Variants in DLG1 observed in about 807,000 individuals in gnomAD.
DLG1 encodes the protein disks large homolog 1.
Under a neutral mutation model 123.4 loss-of-function variants are expected in DLG1, and 42 were observed. The observed-to-expected ratio is 0.34, with a 90% confidence interval of 0.27 to 0.44. The LOEUF is 0.44. DLG1 is among the 20% of genes least tolerant of loss of function. The probability of loss-of-function intolerance (pLI) is 1.00; values close to 1 mark genes in which losing one functional copy is unlikely to be tolerated. For missense variants in DLG1, 942 were observed against 1,082.6 expected, an observed-to-expected ratio of 0.87 and a Z score of 1.82; for synonymous variants, 317 against 356.2, an observed-to-expected ratio of 0.89 and a Z score of 1.24.
intron 24 of DLG1, among the ~76,000 whole-genome samples, chr3:197,050,395 CA>C (rs1292548363): frequency 6.6e-6 from 1 of 151,240 alleles, no homozygotes; most frequent in Non-Finnish European, 1.5e-5. Context: ...AAAAAACCCC[CA>C]AAAAAACCCA....
At chr3:197,195,850 C>T (rs1295406771) in intron 4 of DLG1, among the ~76,000 whole-genome samples, 1 of 151,712 alleles carries the variant, frequency 6.6e-6, no homozygotes, top group Admixed American at 6.6e-5. Context: ...ATGTAACAAA[C>T]CTACATATGT....
upstream of DLG1, chr3:197,298,618 C>G (rs1184761219): frequency 1.8e-5 from 7 of 398,366 alleles, no homozygotes; most frequent in Non-Finnish European, 3.1e-5. Context: ...GGGGTAGATC[C>G]CCACCGGGGA....
chr3:197,191,544 G>C (rs985583007), intron 5 of DLG1, among the ~76,000 whole-genome samples: 2 of 152,174 alleles, frequency 1.3e-5, no homozygotes, highest in Non-Finnish European at 2.9e-5. Flanking sequence ...TGGTTGGTTT[G>C]TAACAATAAG....
chr3:197,058,039 C>T (rs1357199767), intron 23 of DLG1, among the ~76,000 whole-genome samples: 2 of 151,584 alleles, frequency 1.3e-5, no homozygotes, highest in Non-Finnish European at 2.9e-5. Flanking sequence ...AGTGCAGTGG[C>T]AAGATCTTGG....
chr3:197,194,666 C>T, intron 4 of DLG1, 77 bp from the exon 5 acceptor site: 1 of 947,242 alleles, frequency 1.1e-6, no homozygotes, highest in Non-Finnish European at 1.6e-6. Context: ...CATAACTAGC[C>T]AAATACTCAA....
chr3:197,048,535 G>A (rs539391421), intron 24 of DLG1, among the ~76,000 whole-genome samples: 17 of 152,198 alleles, frequency 1.1e-4, no homozygotes, highest in Admixed American at 1.1e-3. Context: ...TTATCAAAAA[G>A]ATAAGAGATA....
At chr3:197,282,872 A>G (rs1770043838) in intron 3 of DLG1, 27 bp from the exon 4 acceptor site, 2 of 1,369,148 alleles carry the variant, frequency 1.5e-6, no homozygotes, top group Admixed American at 2.2e-5. Flanking sequence ...AAAAATTCAT[A>G]AGTATTTATA....
chr3:197,101,470 C>T (rs138897018), intron 14 of DLG1, among the ~76,000 whole-genome samples: 1,939 of 151,708 alleles, frequency 0.013, 36 homozygotes, highest in African/African-American at 0.045. Flanking sequence ...ACTGCAAGCT[C>T]GGCCTCCCGG....
intron 3 of DLG1, among the ~76,000 whole-genome samples, chr3:197,286,332 T>C (rs1057257176): frequency 6.6e-6 from 1 of 152,112 alleles, no homozygotes; most frequent in African/African-American, 2.4e-5. Context: ...TGGAAGACAA[T>C]TTTTCCACAG....
intron 10 of DLG1, among the ~76,000 whole-genome samples, chr3:197,132,319 C>G (rs939001792): frequency 6.6e-6 from 1 of 151,042 alleles, no homozygotes; most frequent in African/African-American, 2.4e-5. Context: ...ATAAGTAAAA[C>G]ATTATCAATG....
At chr3:197,063,183 T>G (rs1027082524) in intron 22 of DLG1, among the ~76,000 whole-genome samples, 8 of 130,704 alleles carry the variant, frequency 6.1e-5, no homozygotes, top group Non-Finnish European at 5.0e-5. Context: ...ACCCTAAAAC[T>G]TAAAGTATAA....
intron 4 of DLG1, among the ~76,000 whole-genome samples, chr3:197,214,703 A>G (rs942104247): frequency 1.9e-4 from 29 of 152,288 alleles, no homozygotes; most frequent in Non-Finnish European, 2.5e-4. Flanking sequence ...GAGGAGGGAG[A>G]GCTCAAGTAC....
chr3:197,236,751 A>G (rs563998873), intron 4 of DLG1, among the ~76,000 whole-genome samples: 1 of 152,242 alleles, frequency 6.6e-6, no homozygotes, highest in Non-Finnish European at 1.5e-5. Flanking sequence ...GACAATCTAT[A>G]ATCAGATGGG....
intron 3 of DLG1, among the ~76,000 whole-genome samples, chr3:197,283,405 C>T (rs961686911): frequency 8.6e-5 from 13 of 151,994 alleles, no homozygotes; most frequent in Non-Finnish European, 1.9e-4. Context: ...GAAGGGCTTT[C>T]GGATATCCTC....
At chr3:197,154,878 T>C (rs1480220363) in intron 5 of DLG1, among the ~76,000 whole-genome samples, 1 of 152,088 alleles carries the variant, frequency 6.6e-6, no homozygotes, top group Admixed American at 6.5e-5. Flanking sequence ...GGGAAAGTAC[T>C]GAGTCTGAAG....
chr3:197,076,150 T>G (rs1246221696), intron 18 of DLG1, among the ~76,000 whole-genome samples: 1 of 152,262 alleles, frequency 6.6e-6, no homozygotes, highest in Non-Finnish European at 1.5e-5. Flanking sequence ...AAATCCAGAT[T>G]GTCTACATAT....
intron 17 of DLG1, chr3:197,080,505 A>G (rs1750449627): frequency 1.5e-5 from 2 of 130,844 alleles, no homozygotes; most frequent in African/African-American, 5.7e-5. Flanking sequence ...TCTGTTGCCC[A>G]GTCTGGAGCA....
chr3:197,267,442 T>C (rs978442415), intron 4 of DLG1, among the ~76,000 whole-genome samples: 3 of 152,200 alleles, frequency 2.0e-5, no homozygotes, highest in Non-Finnish European at 2.9e-5. Context: ...CACTTTATCT[T>C]GTAAATATAA....
intron 8 of DLG1, 94 bp downstream of exon 8, chr3:197,140,046 C>T (rs1201851494): frequency 2.9e-6 from 4 of 1,370,178 alleles, no homozygotes; most frequent in South Asian, 1.5e-5. Flanking sequence ...TTATCATGAT[C>T]GTGTTTGTTA....
Sources: allele counts gnomAD v4.1 joint callset (sites outside exome capture counted in the v4.1 genomes callset), GRCh38; gene constraint gnomAD v4.1.1; transcripts MANE v1.5; gene names NCBI Gene and HGNC (gene_info 2026-07-23, HGNC 2026-07-21).